Variants in TNRC6B observed in about 807,000 individuals in gnomAD.
TNRC6B encodes the protein trinucleotide repeat-containing gene 6B protein.
A neutral mutation model predicts 203.6 loss-of-function variants in TNRC6B; 52 were observed. The ratio of observed to expected loss-of-function variants is 0.26; its 90% confidence interval spans 0.20 to 0.32. The LOEUF is 0.32. Among genes scored for constraint, TNRC6B ranks in the 10% least tolerant of loss-of-function variants. The pLI, the probability that TNRC6B is intolerant of heterozygous loss-of-function variation, is 1.00. For synonymous variants in TNRC6B, 838 were observed against 845.7 expected (o/e 0.99, Z 0.16); for missense variants, 1,923 against 2,286.2 (o/e 0.84, Z 3.24).
chr22:40,313,350 T>C (rs1042833139), intron 19 of TNRC6B, among the ~76,000 whole-genome samples: 1 of 152,160 alleles, frequency 6.6e-6, no homozygotes, highest in Non-Finnish European at 1.5e-5. Context: ...CAGGTTATTA[T>C]TCCTAAGATA....
intron 3 of TNRC6B, among the ~76,000 whole-genome samples, chr22:40,256,957 C>A (rs984597455): frequency 6.6e-6 from 1 of 152,068 alleles, no homozygotes; most frequent in African/African-American, 2.4e-5. Context: ...GGGAGATGTT[C>A]AAGGCAAAAG....
intron 3 of TNRC6B, among the ~76,000 whole-genome samples, chr22:40,254,171 A>G (rs1443963881): frequency 6.6e-6 from 1 of 152,218 alleles, no homozygotes; most frequent in Non-Finnish European, 1.5e-5. Context: ...CAAATAATAG[A>G]AAGCACTTAA....
intron 22 of TNRC6B, among the ~76,000 whole-genome samples, chr22:40,322,568 A>G (rs1055974835): frequency 6.6e-5 from 10 of 152,220 alleles, no homozygotes; most frequent in Non-Finnish European, 1.3e-4. Context: ...ACCAAGAAAT[A>G]TCAGAATATA....
At chr22:40,267,599 T>C (rs531836875) in intron 5 of TNRC6B, among the ~76,000 whole-genome samples, 46 of 152,210 alleles carry the variant, frequency 3.0e-4, no homozygotes, top group Non-Finnish European at 5.4e-4. Flanking sequence ...GTGAGATGGC[T>C]CACACCTGTA....
intron 1 of TNRC6B, among the ~76,000 whole-genome samples, chr22:40,221,755 C>CCCT (rs1404147290): frequency 8.1e-6 from 1 of 123,442 alleles, no homozygotes; most frequent in African/African-American, 2.6e-5. Context: ...CTTATTGCCC[C>CCCT]CCCCCCTTTT....
At chr22:40,077,698 A>G (rs547028311) in intron 1 of TNRC6B, among the ~76,000 whole-genome samples, 1 of 152,184 alleles carries the variant, frequency 6.6e-6, no homozygotes, top group Non-Finnish European at 1.5e-5. Context: ...GAACATACAC[A>G]TAGCCCATGA....
chr22:40,269,437 C>T (rs2070529109), intron 5 of TNRC6B, among the ~76,000 whole-genome samples: 1 of 152,036 alleles, frequency 6.6e-6, no homozygotes, highest in Admixed American at 6.6e-5. Context: ...CTGGCCTTTA[C>T]ACAGTACTTC....
intron 1 of TNRC6B, among the ~76,000 whole-genome samples, chr22:40,217,224 G>A (rs1301499840): frequency 6.6e-6 from 1 of 152,136 alleles, no homozygotes; most frequent in Non-Finnish European, 1.5e-5. Flanking sequence ...AAAAAGTAGA[G>A]ACTACTTCTT....
Position 40,326,355 on chromosome 22 carries a change from G to A in TNRC6B, c.*3114G>A, listed in dbSNP as rs1376501905. 1.3e-5 allele frequency: 2 copies of A among 152,558 alleles called. No homozygotes were observed. Among genetic ancestry groups the A allele is most frequent in the South Asian group, 4.1e-4 (2 of 4,828 alleles). The allele number at this position is 152,558 out of a possible 1,614,324, so 9.5% of individuals were successfully genotyped here. A position where few individuals can be genotyped will look rare whatever the true frequency, so the allele number is the denominator to read the frequency against. On this transcript the variant is annotated 3_prime_UTR_variant, in exon 23 of 23. Transcript: ENST00000454349. ...AGTCTCCAAACATTATTGTCATACT[G>A]GGGATCACACATTTTAAAACACATA...
chr22:40,270,274 A>T lies in TNRC6B; in HGVS notation c.2959A>T (p.Lys987Ter). Residue 987 changes from lysine (K) to a stop codon, truncating the protein, a stop_gained, in exon 6 of 23, where the codon AAG becomes TAG. Transcript: ENST00000454349. LOFTEE classifies it high-confidence loss of function. ...NTPANAPNAM[K>*]PNSKSMQDGW... The stretch of plus-strand genomic sequence containing the variant: ...GCCCGCCAACGCTCCCAATGCCATG[A>T]AGCCTAGTAAGTGTGAAGCTTTTCA... 7.0e-7 allele frequency: 1 copy of T among 1,422,588 alleles called. No homozygotes were observed. Among genetic ancestry groups the T allele is most frequent in the Non-Finnish European group, 9.2e-7 (1 of 1,084,204 alleles). The allele number at this position is 1,422,588 out of a possible 1,614,324, so 88.1% of individuals were successfully genotyped here.
upstream of TNRC6B, among the ~76,000 whole-genome samples, chr22:40,175,123 C>A (rs2069043360): frequency 6.6e-6 from 1 of 152,068 alleles, no homozygotes; most frequent in Non-Finnish European, 1.5e-5. Context: ...CTTTGGGAGG[C>A]TGACGTGGGC....
intron 3 of TNRC6B, among the ~76,000 whole-genome samples, chr22:40,253,175 G>A (rs1395260461): frequency 3.3e-5 from 5 of 149,906 alleles, no homozygotes; most frequent in African/African-American, 4.9e-5. Context: ...TCCGCCTCCC[G>A]GGTTCACGCC....
chr22:40,050,769 G>C (rs960542112), intron 1 of TNRC6B, among the ~76,000 whole-genome samples: 1 of 151,718 alleles, frequency 6.6e-6, no homozygotes, highest in African/African-American at 2.4e-5. Context: ...AGGCTGTGTT[G>C]TAAGTCTGGG....
chr22:40,168,265 A>T (rs1382163665), intron 4 of TNRC6B, among the ~76,000 whole-genome samples: 1 of 152,208 alleles, frequency 6.6e-6, no homozygotes, highest in Non-Finnish European at 1.5e-5. Context: ...ATTCCACAAT[A>T]TTAATTGAAT....
intron 11 of TNRC6B, among the ~76,000 whole-genome samples, chr22:40,284,409 C>T (rs914233510): frequency 6.6e-5 from 10 of 152,038 alleles, no homozygotes; most frequent in Admixed American, 3.9e-4. Context: ...CATGTGATTC[C>T]AGGGTTATGA....
chr22:40,073,141 G>GTTT (rs554246963), intron 1 of TNRC6B, among the ~76,000 whole-genome samples: 5 of 108,692 alleles, frequency 4.6e-5, no homozygotes, highest in Non-Finnish European at 5.8e-5. Flanking sequence ...TAGGGCCTTG[G>GTTT]TTTTTTTTTT....
intron 1 of TNRC6B, among the ~76,000 whole-genome samples, chr22:40,066,889 TTC>T (rs1477855036): frequency 1.3e-5 from 2 of 151,340 alleles, no homozygotes; most frequent in Non-Finnish European, 2.9e-5. Context: ...GAAGCTTCTT[TTC>T]TTTTTTTTTT....
rs536902712 is a variant in TNRC6B at position 40,183,599 on chromosome 22, A to G, written c.5+5459A>G. Among the ~76,000 whole-genome samples the G allele has an allele frequency of 9.2e-5, 14 of 152,316 alleles. No individual in the cohort carries two copies. In the East Asian group the frequency reaches 2.5e-3, roughly 27 times the overall value. ...GAATTGGTCTTAGAGTTTACAAGGC[A>G]AAGGAGAACATTGAATACAGCGTTT... On this transcript the variant is annotated intron_variant, in intron 1 of 22. Transcript: ENST00000454349.
At chr22:40,090,488 C>T (rs1316879464) in intron 1 of TNRC6B, among the ~76,000 whole-genome samples, 1 of 151,218 alleles carries the variant, frequency 6.6e-6, no homozygotes, top group African/African-American at 2.4e-5. Context: ...TGTATATCTT[C>T]TTCAGTGAGG....
Sources: allele counts gnomAD v4.1 joint callset (sites outside exome capture counted in the v4.1 genomes callset), GRCh38; gene constraint gnomAD v4.1.1; transcripts MANE v1.5; gene names NCBI Gene and HGNC (gene_info 2026-07-23, HGNC 2026-07-21).